STAG1: variants seen among roughly 807,000 people sequenced by gnomAD.
STAG1 encodes the protein STAG1 cohesin complex component.
A neutral mutation model predicts 170.9 loss-of-function variants in STAG1; 26 were observed. That is an observed-to-expected ratio of 0.15 (90% CI 0.11 to 0.21). The LOEUF (loss-of-function observed/expected upper bound fraction) is 0.21. STAG1 is among the 10% of genes least tolerant of loss of function. STAG1 has a pLI of 1.00. For missense variants in STAG1, 964 were observed against 1,509.5 expected, an observed-to-expected ratio of 0.64 and a Z score of 5.99; for synonymous variants, 514 against 497.7, an observed-to-expected ratio of 1.03 and a Z score of -0.44.
At chr3:136,583,591 C>A (rs1175200842) in intron 4 of STAG1, among the ~76,000 whole-genome samples, 1 of 152,142 alleles carries the variant, frequency 6.6e-6, no homozygotes, top group Non-Finnish European at 1.5e-5. Context: ...GAGTTCGACA[C>A]CAGCCTGGCC....
At chr3:136,399,821 C>T (rs192905780) in intron 21 of STAG1, among the ~76,000 whole-genome samples, 24 of 152,168 alleles carry the variant, frequency 1.6e-4, no homozygotes, top group Admixed American at 4.6e-4. Context: ...TCTCTCAATA[C>T]TATCATATTA....
chr3:136,406,565 A>G (rs574805909), intron 21 of STAG1, among the ~76,000 whole-genome samples: 1 of 152,340 alleles, frequency 6.6e-6, no homozygotes, highest in East Asian at 1.9e-4. Flanking sequence ...ATAATTCAAA[A>G]TAATATGGCA....
chr3:136,391,829 T>C (rs1038728617), intron 22 of STAG1, among the ~76,000 whole-genome samples: 2 of 152,214 alleles, frequency 1.3e-5, no homozygotes, highest in African/African-American at 2.4e-5. Context: ...AAAGTATACT[T>C]AGCATAACCT....
At chr3:136,691,338 G>A (rs994090749) in intron 1 of STAG1, among the ~76,000 whole-genome samples, 5 of 151,944 alleles carry the variant, frequency 3.3e-5, no homozygotes, top group East Asian at 1.9e-4. Context: ...GGGAGGCTGC[G>A]GCAGAAGAAT....
intron 5 of STAG1, among the ~76,000 whole-genome samples, chr3:136,563,754 C>T (rs147775164): frequency 0.017 from 2,560 of 152,038 alleles, 39 homozygotes; most frequent in Non-Finnish European, 0.027. Context: ...GGCACGGTGG[C>T]TCATGCCTGT....
At chr3:136,611,552 G>A (rs1327230667) in intron 3 of STAG1, among the ~76,000 whole-genome samples, 5 of 150,720 alleles carry the variant, frequency 3.3e-5, no homozygotes, top group Non-Finnish European at 5.9e-5. Flanking sequence ...CCGGAGTACA[G>A]TGGCACGATC....
intron 1 of STAG1, among the ~76,000 whole-genome samples, chr3:136,674,154 A>AGAGGGAGAGAGG (rs1184220677): frequency 7.6e-5 from 1 of 13,104 alleles, no homozygotes; most frequent in Non-Finnish European, 1.3e-4. Flanking sequence ...AGGGAGGGAG[A>AGAGGGAGAGAGG]GAGGGAGGGA....
At chr3:136,613,485 A>G (rs1939420534) in intron 3 of STAG1, among the ~76,000 whole-genome samples, 1 of 151,982 alleles carries the variant, frequency 6.6e-6, no homozygotes, top group South Asian at 2.1e-4. Context: ...AAGCCTTTAA[A>G]TAGTTAATAA....
rs181683083 is a variant in STAG1 at position 136,401,352 on chromosome 3, T to C, written c.2197-2523A>G. ...TCAATTTTACTTTCCTTAATTCTGA[T>C]ATTTGTCTCTCTGGAAAATAGGGAC... On this transcript the variant is annotated intron_variant, in intron 21 of 33. Coordinates refer to ENST00000383202, the MANE Select transcript of STAG1 (RefSeq NM_005862.3). Among the ~76,000 whole-genome samples the C allele has an allele frequency of 9.2e-5, 14 of 152,352 alleles. No individual in the cohort carries two copies. In the East Asian group the frequency reaches 2.7e-3, roughly 29 times the overall value.
intron 1 of STAG1, among the ~76,000 whole-genome samples, chr3:136,664,377 T>C (rs1168040679): frequency 6.6e-6 from 1 of 152,178 alleles, no homozygotes. Flanking sequence ...TGAAGAGCTC[T>C]TGAGGTAGAT....
intron 28 of STAG1, among the ~76,000 whole-genome samples, chr3:136,355,321 C>T (rs144253249): frequency 8.3e-4 from 112 of 135,676 alleles, no homozygotes; most frequent in African/African-American, 2.8e-3. Context: ...CACTGCACTC[C>T]AGCCTGGGTA....
At chr3:136,640,596 T>A (rs927997598) in intron 1 of STAG1, among the ~76,000 whole-genome samples, 1 of 151,480 alleles carries the variant, frequency 6.6e-6, no homozygotes, top group African/African-American at 2.4e-5. Context: ...CTCCAACTCC[T>A]GACCTCAGGT....
intron 8 of STAG1, among the ~76,000 whole-genome samples, chr3:136,501,956 C>A (rs566685771): frequency 1.3e-5 from 2 of 151,910 alleles, no homozygotes; most frequent in Non-Finnish European, 2.9e-5. Context: ...CCGAGGTGGG[C>A]GGATCACCTG....
intron 1 of STAG1, among the ~76,000 whole-genome samples, chr3:136,745,840 A>G (rs770031763): frequency 3.9e-5 from 6 of 152,172 alleles, no homozygotes; most frequent in Non-Finnish European, 7.4e-5. Context: ...AAAACAAACA[A>G]ACAAAACAAA....
chr3:136,575,884 G>A (rs1937438776), intron 4 of STAG1, among the ~76,000 whole-genome samples: 1 of 152,146 alleles, frequency 6.6e-6, no homozygotes, highest in South Asian at 2.1e-4. Context: ...GTAGAGAAAT[G>A]GAGTCTCTGT....
chr3:136,466,009 A>C (rs2089446898), intron 12 of STAG1, among the ~76,000 whole-genome samples: 1 of 152,204 alleles, frequency 6.6e-6, no homozygotes, highest in African/African-American at 2.4e-5. Context: ...TCTGTACGTC[A>C]CCATCATCAA....
At chr3:136,622,555 A>G (rs1303041932) in intron 3 of STAG1, among the ~76,000 whole-genome samples, 1 of 152,206 alleles carries the variant, frequency 6.6e-6, no homozygotes, top group Non-Finnish European at 1.5e-5. Context: ...TTTCCATTAG[A>G]AGAATTTTCA....
In STAG1 at chr3:136,403,118, C is replaced by G. The variant is rs922651680; in HGVS notation, c.2197-4289G>C. Among the ~76,000 whole-genome samples, 3 of 146,640 alleles carry G rather than the reference C, an allele frequency of 2.0e-5. No individual in the cohort carries two copies. In the East Asian group the frequency reaches 6.2e-4, roughly 30 times the overall value. On this transcript the variant is annotated intron_variant, in intron 21 of 33. Transcript: ENST00000383202. ...TGGCACATGCCTGTATTCCTGGTTACTAAGGAGGCTGAGGCAGGAGAATGA... is the reference window on the plus strand; with the variant it reads ...TGGCACATGCCTGTATTCCTGGTTAGTAAGGAGGCTGAGGCAGGAGAATGA...
At chr3:136,697,274 T>C (rs988880663) in intron 1 of STAG1, among the ~76,000 whole-genome samples, 6 of 152,192 alleles carry the variant, frequency 3.9e-5, no homozygotes, top group Admixed American at 3.9e-4. Context: ...TGTTCCAAAT[T>C]AAGCAGGTAG....
Sources: allele counts gnomAD v4.1 joint callset (sites outside exome capture counted in the v4.1 genomes callset), GRCh38; gene constraint gnomAD v4.1.1; transcripts MANE v1.5; gene names NCBI Gene and HGNC (gene_info 2026-07-23, HGNC 2026-07-21).